CD36: variants seen among roughly 807,000 people sequenced by gnomAD.
CD36 encodes the protein platelet glycoprotein 4.
In CD36, 119 loss-of-function variants were observed where a neutral mutation model predicts 55.2. That is an observed-to-expected ratio of 2.15 (90% CI 1.86 to 2.51). The LOEUF (loss-of-function observed/expected upper bound fraction) is 2.51, where lower values mean the gene tolerates loss of function less well. Among genes scored for constraint, CD36 ranks in the 30% most tolerant of loss-of-function variants. The pLI is 0.00. For missense variants in CD36, 819 were observed against 555.5 expected (o/e 1.47, Z -4.77); for synonymous variants, 186 against 193.6 (o/e 0.96, Z 0.33).
chr7:80,646,871 T>A lies in CD36; in HGVS notation c.120+11T>A. On this transcript the variant is annotated intron_variant, in intron 3 of 14. Coordinates refer to ENST00000447544, the MANE Select transcript of CD36 (RefSeq NM_001001548.3). The stretch of plus-strand genomic sequence containing the variant: ...AAGACAATTAAAAAGGTACAAGTAG[T>A]CCAAAGAATATGCCTTCTCATTTTG... 6.2e-7 allele frequency: 1 copy of A among 1,613,676 alleles called. No individual in the cohort carries two copies. The highest frequency in any genetic ancestry group is 8.5e-7 in the Non-Finnish European group (1 of 1,179,712).
At chr7:80,650,708 C>T (rs1169507671) in intron 3 of CD36, among the ~76,000 whole-genome samples, 1 of 151,964 alleles carries the variant, frequency 6.6e-6, no homozygotes, top group Non-Finnish European at 1.5e-5. Flanking sequence ...AGTTGCAGTG[C>T]TGTGATACCT....
chr7:80,627,030 A>C (rs1793781674), intron 1 of CD36, among the ~76,000 whole-genome samples: 1 of 151,992 alleles, frequency 6.6e-6, no homozygotes, highest in South Asian at 2.1e-4. Flanking sequence ...CTCTCCTGAG[A>C]CAGACTATTA....
intron 13 of CD36, 96 bp downstream of exon 13, chr7:80,673,505 A>G (rs1797937274): frequency 1.3e-6 from 1 of 792,292 alleles, no homozygotes; most frequent in Admixed American, 1.8e-5. Flanking sequence ...TTAAAGCTAT[A>G]TGTATTTCCA....
intron 3 of CD36, among the ~76,000 whole-genome samples, chr7:80,647,372 A>G (rs1389982872): frequency 7.2e-5 from 11 of 152,154 alleles, no homozygotes; most frequent in Admixed American, 5.2e-4. Flanking sequence ...CTATTTTTAT[A>G]TATGTGTAAT....
Position 80,671,114 on chromosome 7 carries a change from C to T in CD36, c.956C>T (p.Ser319Leu). The change falls in exon 10 of 15, where the codon TCA becomes TTA. Residue 319 changes from serine (S) to leucine (L), a missense_variant. Coordinates refer to ENST00000447544, the MANE Select transcript of CD36 (RefSeq NM_001001548.3). The part of the protein sequence containing the change: ...NYCFCTEKII[S>L]KNCTSYGVLD... Reference sequence around the variant, plus strand: ...TGTTTCTGCACAGAAAAAATTATCTCAAAAAATTGTACATCATATGGTGTG... The same window carrying T: ...TGTTTCTGCACAGAAAAAATTATCTTAAAAAATTGTACATCATATGGTGTG... The T allele has an allele frequency of 1.2e-6, 2 of 1,613,284 alleles. No homozygotes were observed. The highest frequency in any genetic ancestry group is 1.7e-6 in the Non-Finnish European group (2 of 1,179,564).
At chr7:80,664,269 T>A in intron 6 of CD36, 137 bp from the exon 7 acceptor site, 1 of 623,076 alleles carries the variant, frequency 1.6e-6, no homozygotes. Context: ...AGGCCAATAA[T>A]TTAAAAAAAT....
intron 1 of CD36, among the ~76,000 whole-genome samples, chr7:80,625,564 A>G (rs115494820): frequency 1.6e-3 from 238 of 152,248 alleles, no homozygotes; most frequent in African/African-American, 5.3e-3. Context: ...GTGCAATTCT[A>G]TTTGTCATTT....
rs778312089 is a variant in CD36, at chr7:80,674,091, A to ATGTT, written c.1368_1371dup (p.Ala458CysfsTer97). On this transcript the variant is annotated frameshift_variant, in exon 14 of 15. Coordinates refer to ENST00000447544, the MANE Select transcript of CD36 (RefSeq NM_001001548.3). LOFTEE classifies it high-confidence loss of function. ...GATCTTACTCAGTGTTGGTGTGGTG[A>ATGTT]TGTTTGTTGCTTTTATGATTTCATA... The ATGTT allele has an allele frequency of 4.3e-6, 7 of 1,612,454 alleles. No individual in the cohort carries two copies. In the East Asian group the frequency reaches 6.7e-5, roughly 15 times the overall value.
At chr7:80,618,654 T>G (rs1439694434) in intron 1 of CD36, among the ~76,000 whole-genome samples, 1 of 152,162 alleles carries the variant, frequency 6.6e-6, no homozygotes, top group Admixed American at 6.5e-5. Flanking sequence ...ATAGATTAAA[T>G]CAGCTACAAT....
intron 1 of CD36, among the ~76,000 whole-genome samples, chr7:80,631,307 C>T (rs1223563667): frequency 6.6e-6 from 1 of 151,958 alleles, no homozygotes; most frequent in Non-Finnish European, 1.5e-5. Flanking sequence ...AAAGGCAGGG[C>T]TCATGATAAC....
chr7:80,618,826 GATAAAAC>G (rs1333303281), intron 1 of CD36, among the ~76,000 whole-genome samples: 2 of 152,174 alleles, frequency 1.3e-5, no homozygotes, highest in African/African-American at 4.8e-5. Context: ...AAAAGTGCAA[GATAAAAC>G]ATCAAGTGAA....
upstream of CD36, among the ~76,000 whole-genome samples, chr7:80,636,403 T>C (rs1345749134): frequency 1.3e-5 from 2 of 152,024 alleles, no homozygotes; most frequent in African/African-American, 4.8e-5. Flanking sequence ...AAATGATTCA[T>C]ACCTTGATAA....
At chr7:80,654,653 C>G (rs1795896505) in intron 3 of CD36, among the ~76,000 whole-genome samples, 1 of 151,972 alleles carries the variant, frequency 6.6e-6, no homozygotes, top group Non-Finnish European at 1.5e-5. Context: ...AAAAGTTTTT[C>G]AAGGACAATT....
chr7:80,621,557 G>T (rs957081744), intron 1 of CD36, among the ~76,000 whole-genome samples: 1 of 152,018 alleles, frequency 6.6e-6, no homozygotes, highest in Non-Finnish European at 1.5e-5. Flanking sequence ...TCTCACATGT[G>T]AGGGACAAAA....
chr7:80,652,249 G>A (rs1342215855), intron 3 of CD36, among the ~76,000 whole-genome samples: 1 of 152,094 alleles, frequency 6.6e-6, no homozygotes, highest in African/African-American at 2.4e-5. Flanking sequence ...TCTTCTACTA[G>A]TCCAATTTAA....
chr7:80,631,284 T>C lies in CD36; in HGVS notation c.-183-14804T>C, dbSNP rs566622143. ...GTTTGCTGGAGAACAATGAGGATGA[T>C]AGACACTTTCATAAAGGCAGGGCTC... On this transcript the variant is annotated intron_variant, in intron 1 of 13. Transcript: ENST00000309881. Among the ~76,000 whole-genome samples the C allele has an allele frequency of 7.0e-4, 107 of 152,156 alleles. 1 individual carries two copies. Among genetic ancestry groups the C allele is most frequent in the South Asian group, 6.4e-3 (31 of 4,828 alleles).
chr7:80,624,911 C>T (rs886296814), intron 1 of CD36: 1 of 151,986 alleles, frequency 6.6e-6, no homozygotes, highest in African/African-American at 2.4e-5. Context: ...TCTATCCTCC[C>T]CTGCTTTTGA....
chr7:80,630,661 A>T (rs1367763960), intron 1 of CD36, among the ~76,000 whole-genome samples: 1 of 151,954 alleles, frequency 6.6e-6, no homozygotes, highest in Non-Finnish European at 1.5e-5. Context: ...TGTTCACTGC[A>T]GGCTCCTTTC....
At chr7:80,603,775 A>AAAAG (rs1792380315) in intron 1 of CD36, among the ~76,000 whole-genome samples, 1 of 151,600 alleles carries the variant, frequency 6.6e-6, no homozygotes, top group East Asian at 1.9e-4. Context: ...CAGGCAAAAA[A>AAAAG]AAAAAAAAAA....
Sources: gnomAD v4.1 joint callset for allele counts (sites outside exome capture counted in the v4.1 genomes callset) on GRCh38, gnomAD v4.1.1 for gene constraint, MANE v1.5 for transcripts, NCBI Gene and HGNC (gene_info 2026-07-23, HGNC 2026-07-21) for gene names.